MOB3A: variants seen among roughly 807,000 people sequenced by gnomAD.
MOB3A encodes the protein MOB LAK.
MOB3A carries 17 observed loss-of-function variants against 17.8 expected under a neutral mutation model. That is an observed-to-expected ratio of 0.95 (90% CI 0.65 to 1.43). The LOEUF is 1.43. MOB3A is among the 40% of genes most tolerant of loss of function. The pLI is 0.00. For synonymous variants in MOB3A, 124 were observed against 133.2 expected, an observed-to-expected ratio of 0.93 and a Z score of 0.48; for missense variants, 333 against 310.8, an observed-to-expected ratio of 1.07 and a Z score of -0.54.
chr19:2,084,783 G>A (rs894381801), intron 2 of MOB3A, among the ~76,000 whole-genome samples: 3 of 151,960 alleles, frequency 2.0e-5, no homozygotes, highest in Non-Finnish European at 2.9e-5. Flanking sequence ...TAGAGATGGC[G>A]TTTCACCATG....
At chr19:2,088,282 C>T (rs1054063330) in intron 1 of MOB3A, among the ~76,000 whole-genome samples, 21 of 152,168 alleles carry the variant, frequency 1.4e-4, no homozygotes, top group Admixed American at 6.5e-4. Context: ...GTGGCAAGGC[C>T]GGGGATCTAA....
Position 2,073,114 on chromosome 19 carries a change from A to G in MOB3A, c.*281T>C. On this transcript the variant is annotated 3_prime_UTR_variant, in exon 5 of 5. Coordinates refer to ENST00000357066, the MANE Select transcript of MOB3A (RefSeq NM_130807.3). ...GCCATCCAGCCTCCTGGAAAGTGGA[A>G]GTGGTTTAAAAACACAGTGGGCTTT... is the stretch of plus-strand genomic sequence containing the variant. 1.9e-6 allele frequency: 1 copy of G among 530,532 alleles called. No individual in the cohort carries two copies. Among genetic ancestry groups the G allele is most frequent in the Non-Finnish European group, 3.4e-6 (1 of 298,208 alleles). The allele number at this position is 530,532 out of a possible 1,614,324, so 32.9% of individuals were successfully genotyped here. A position where few individuals can be genotyped will look rare whatever the true frequency, so the allele number is the denominator to read the frequency against.
chr19:2,086,291 C>T (rs577776458), intron 1 of MOB3A, among the ~76,000 whole-genome samples: 111 of 151,978 alleles, frequency 7.3e-4, no homozygotes, highest in African/African-American at 2.2e-3. Context: ...CTGCCCACCT[C>T]GGCCTCCCAA....
intron 4 of MOB3A, among the ~76,000 whole-genome samples, chr19:2,074,584 ACT>A (rs2017380335): frequency 6.7e-6 from 1 of 150,342 alleles, no homozygotes; most frequent in Non-Finnish European, 1.5e-5. Context: ...ACGGAGTTTC[ACT>A]CTGTCATTCA....
intron 2 of MOB3A, chr19:2,084,183 T>A: frequency 2.1e-6 from 1 of 483,960 alleles, no homozygotes. Context: ...CCTCTTGGCA[T>A]GTCTGTCTCC....
Position 2,071,049 on chromosome 19 carries a change from G to A in MOB3A, c.*2346C>T, listed in dbSNP as rs374241746. On this transcript the variant is annotated 3_prime_UTR_variant, in exon 5 of 5. Transcript: ENST00000357066. ...CGACACCATTTATTCCGACGTCTGC[G>A]TCTGTAGTTTTATTCCGTATCTGGC... 3.3e-5 allele frequency: 5 copies of A among 152,120 alleles called. No individual in the cohort carries two copies. The highest frequency in any genetic ancestry group is 1.9e-4 in the East Asian group (1 of 5,202). The allele number at this position is 152,120 out of a possible 1,614,324, so 9.4% of individuals were successfully genotyped here. A position where few individuals can be genotyped will look rare whatever the true frequency, so the allele number is the denominator to read the frequency against.
Position 2,072,814 on chromosome 19 carries a change from G to A in MOB3A, c.*581C>T, listed in dbSNP as rs1253064663. 1 of 152,584 alleles carries A rather than the reference G, an allele frequency of 6.6e-6. No individual in the cohort carries two copies. The highest frequency in any genetic ancestry group is 6.5e-5 in the Admixed American group (1 of 15,282). The allele number at this position is 152,584 out of a possible 1,614,324, so 9.5% of individuals were successfully genotyped here. A position where few individuals can be genotyped will look rare whatever the true frequency, so the allele number is the denominator to read the frequency against. ...GGAGGAAAGAGGCTGCCTGGGTCCAGGTTGTGCCTCTGTGTGAAGAGACAC... is the reference window on the plus strand; with the variant it reads ...GGAGGAAAGAGGCTGCCTGGGTCCAAGTTGTGCCTCTGTGTGAAGAGACAC... On this transcript the variant is annotated 3_prime_UTR_variant, in exon 5 of 5. Coordinates refer to ENST00000357066, the MANE Select transcript of MOB3A (RefSeq NM_130807.3).
rs201826812 is a variant in MOB3A at position 2,075,020 on chromosome 19, ATCTTT to A, written c.625-1601_625-1597del. Among the ~76,000 whole-genome samples the A allele has an allele frequency of 4.1e-3, 596 of 145,660 alleles. 3 individuals are homozygous for A. The highest frequency in any genetic ancestry group is 0.015 in the African/African-American group (573 of 39,292). The stretch of plus-strand genomic sequence containing the variant: ...GCGTGAGCCACCACGCCGGGCCTTA[ATCTTT>A]TCTTTTCTTTTTTTTTTTTTTTGAG... On this transcript the variant is annotated intron_variant, in intron 4 of 4. Transcript: ENST00000357066.
rs770604419 is a variant in MOB3A at position 2,076,978 on chromosome 19, G to A, written c.457C>T (p.Arg153Trp). The A allele has an allele frequency of 4.3e-5, 69 of 1,613,538 alleles. No homozygotes were observed. The highest frequency in any genetic ancestry group is 5.8e-5 in the Non-Finnish European group (69 of 1,179,980). The change falls in exon 4 of 5, where the codon CGG becomes TGG. Residue 153 changes from arginine (R) to tryptophan (W), a missense_variant. By Grantham distance (101) the Arg-to-Trp change is moderately radical. Coordinates refer to ENST00000357066, the MANE Select transcript of MOB3A (RefSeq NM_130807.3). Reference protein sequence around the residue: ...PFPKNFLQTVRKILSRLFRVF... With the variant: ...PFPKNFLQTVWKILSRLFRVF... ...CGGAACAGCCGCGACAGGATCTTCC[G>A]CACCGTCTGCAGGAAGTTCTTGGGA... is the stretch of plus-strand genomic sequence containing the variant.
chr19:2,073,563 C>G (rs1420152657), intron 4 of MOB3A, 139 bp from the exon 5 acceptor site: 5 of 1,064,674 alleles, frequency 4.7e-6, no homozygotes, highest in South Asian at 1.3e-5. Flanking sequence ...AAAAACCACA[C>G]AGGCAATGGC....
chr19:2,090,554 AC>A (rs1167932761), intron 1 of MOB3A, among the ~76,000 whole-genome samples: 1 of 151,984 alleles, frequency 6.6e-6, no homozygotes, highest in African/African-American at 2.4e-5. Flanking sequence ...ATGACTCAAT[AC>A]CCAGGGGGAG....
chr19:2,082,578 C>G lies in MOB3A; in HGVS notation c.-120+2597G>C, dbSNP rs1568254261. Among the ~76,000 whole-genome samples the G allele has an allele frequency of 6.6e-6, 1 of 152,174 alleles. No individual in the cohort carries two copies. The highest frequency in any genetic ancestry group is 1.5e-5 in the Non-Finnish European group (1 of 68,030). ...CGAACCCTGGACTCTGTGGGTGAAG[C>G]CACCGCTCTTTCTGCCCCACAACTC... On this transcript the variant is annotated intron_variant, in intron 2 of 4. Transcript: ENST00000357066. This position sits in a 1 kb window ranked among gnomAD's most constrained non-coding sequence, Gnocchi z 4.1.
chr19:2,081,197 C>T (rs947861768), intron 2 of MOB3A, among the ~76,000 whole-genome samples: 5 of 152,120 alleles, frequency 3.3e-5, no homozygotes, highest in African/African-American at 1.2e-4. Flanking sequence ...TACCCCCCAA[C>T]AGTCAACAGA....
chr19:2,095,797 T>A (rs1007487050), intron 1 of MOB3A, among the ~76,000 whole-genome samples: 1 of 150,264 alleles, frequency 6.7e-6, no homozygotes, highest in Non-Finnish European at 1.5e-5. Context: ...CAGGCTGGAG[T>A]GCAGTGATGT....
At chr19:2,073,640 G>C (rs1568250092) in intron 4 of MOB3A, among the ~76,000 whole-genome samples, 1 of 152,052 alleles carries the variant, frequency 6.6e-6, no homozygotes, top group South Asian at 2.1e-4. Flanking sequence ...AGATCTGTGG[G>C]CCAGACGGTC....
intron 2 of MOB3A, among the ~76,000 whole-genome samples, chr19:2,083,036 G>A (rs1480989991): frequency 6.6e-6 from 1 of 152,050 alleles, no homozygotes; most frequent in East Asian, 1.9e-4. Context: ...TTGTAGAGAC[G>A]GGAGCTCACT....
rs182349151 is a variant in MOB3A at position 2,088,285 on chromosome 19, G to T, written c.-273-2957C>A. On this transcript the variant is annotated intron_variant, in intron 1 of 4. Coordinates refer to ENST00000357066, the MANE Select transcript of MOB3A (RefSeq NM_130807.3). ...CTTGTCCTGCGAGTGGCAAGGCCGG[G>T]GATCTAACTGTTCTTGTTTGCTTTA... Among the ~76,000 whole-genome samples, 18 of 152,172 alleles carry T rather than the reference G, an allele frequency of 1.2e-4. No individual in the cohort carries two copies. In the East Asian group the frequency reaches 3.1e-3, roughly 26 times the overall value.
At chr19:2,080,662 C>T (rs1392469773) in intron 2 of MOB3A, among the ~76,000 whole-genome samples, 2 of 152,150 alleles carry the variant, frequency 1.3e-5, no homozygotes, top group African/African-American at 4.8e-5. Flanking sequence ...AAGCGAGCAC[C>T]ACCGCGCCCG....
chr19:2,072,958 C>T lies in MOB3A; in HGVS notation c.*437G>A, dbSNP rs1326018576. ...AACGGGAGACATGTAGGAGGCCGAG[C>T]AAGCTGGGTGCCCTTGAGAGACAGG... On this transcript the variant is annotated 3_prime_UTR_variant, in exon 5 of 5. Transcript: ENST00000357066. 2 of 179,662 alleles carry T rather than the reference C, an allele frequency of 1.1e-5. No individual in the cohort carries two copies. Among genetic ancestry groups the T allele is most frequent in the Admixed American group, 1.2e-4 (2 of 16,690 alleles). 11.1% of individuals were successfully genotyped at this position (179,662 alleles called of 1,614,324 possible). A position where few individuals can be genotyped will look rare whatever the true frequency, so the allele number is the denominator to read the frequency against.
Sources: gnomAD v4.1 joint callset for allele counts (sites outside exome capture counted in the v4.1 genomes callset) on GRCh38, gnomAD v4.1.1 for gene constraint, Gnocchi (gnomAD v3.1) non-coding constraint, MANE v1.5 for transcripts, NCBI Gene and HGNC (gene_info 2026-07-23, HGNC 2026-07-21) for gene names.